CHRM3: variants seen among roughly 807,000 people sequenced by gnomAD.
CHRM3 encodes muscarinic acetylcholine receptor M3.
A neutral mutation model predicts 41.8 loss-of-function variants in CHRM3; 11 were observed. That is an observed-to-expected ratio of 0.26 (90% CI 0.17 to 0.44). The LOEUF (loss-of-function observed/expected upper bound fraction) is 0.44, where lower values mean the gene tolerates loss of function less well. Among genes scored for constraint, CHRM3 ranks in the 20% least tolerant of loss-of-function variants. The pLI is 1.00. For synonymous variants in CHRM3, 297 were observed against 301.4 expected (o/e 0.99, Z 0.15); for missense variants, 571 against 745.4 (o/e 0.77, Z 2.72).
chr1:239,411,451 G>A lies in CHRM3; in HGVS notation c.-521+24224G>A, dbSNP rs189942030. On this transcript the variant is annotated intron_variant, in intron 1 of 6. Transcript: ENST00000676153. ...AAATAAGAAATAAGTTGTGGACCGG[G>A]CGTGGTGGCTCATGCCTGTAATCCC... Among the ~76,000 whole-genome samples, 1,012 of 152,224 alleles carry A rather than the reference G, an allele frequency of 6.6e-3. 12 individuals carry two copies. Among genetic ancestry groups the A allele is most frequent in the African/African-American group, 0.023 (944 of 41,552 alleles).
chr1:239,902,451 T>C (rs1020814469), intron 6 of CHRM3, among the ~76,000 whole-genome samples: 2 of 152,158 alleles, frequency 1.3e-5, no homozygotes, highest in Non-Finnish European at 2.9e-5. Flanking sequence ...CTCTGCTCTA[T>C]TGCTTTCTAA....
intron 3 of CHRM3, among the ~76,000 whole-genome samples, chr1:239,586,443 T>G (rs769629818): frequency 6.6e-5 from 10 of 152,134 alleles, no homozygotes; most frequent in Admixed American, 2.0e-4. Context: ...ATGTCAGGGC[T>G]TTGAATACTC....
At chr1:239,577,132 C>A (rs982386403) in intron 3 of CHRM3, among the ~76,000 whole-genome samples, 1 of 152,152 alleles carries the variant, frequency 6.6e-6, no homozygotes, top group African/African-American at 2.4e-5. Context: ...CCAGAAGCTT[C>A]TAATAGATTT....
At chr1:239,551,481 A>G (rs1380700111) in intron 3 of CHRM3, among the ~76,000 whole-genome samples, 1 of 150,632 alleles carries the variant, frequency 6.6e-6, no homozygotes, top group African/African-American at 2.4e-5. Context: ...ATTATTGTAG[A>G]TTTAAGCTAT....
chr1:239,675,838 T>C (rs1421144816), intron 4 of CHRM3, among the ~76,000 whole-genome samples: 1 of 152,116 alleles, frequency 6.6e-6, no homozygotes, highest in Non-Finnish European at 1.5e-5. Flanking sequence ...GCAGTTCCAC[T>C]TTAGGAGTTT....
chr1:239,779,412 G>T (rs1558115288), intron 5 of CHRM3, among the ~76,000 whole-genome samples: 1 of 152,208 alleles, frequency 6.6e-6, no homozygotes, highest in Non-Finnish European at 1.5e-5. Flanking sequence ...ACAGAATCAT[G>T]TATCCACCAT....
chr1:239,650,896 C>T (rs559764879), intron 4 of CHRM3, among the ~76,000 whole-genome samples: 1 of 152,212 alleles, frequency 6.6e-6, no homozygotes, highest in South Asian at 2.1e-4. Flanking sequence ...TAGTATCACA[C>T]ATTAATATAT....
intron 3 of CHRM3, among the ~76,000 whole-genome samples, chr1:239,548,572 T>TC (rs1207281238): frequency 6.6e-6 from 1 of 152,222 alleles, no homozygotes. Flanking sequence ...TATAGATTTT[T>TC]CCCCTGATGA....
intron 3 of CHRM3, among the ~76,000 whole-genome samples, chr1:239,592,624 C>G (rs1664310266): frequency 6.6e-6 from 1 of 152,098 alleles, no homozygotes; most frequent in African/African-American, 2.4e-5. Flanking sequence ...TAGCATATAT[C>G]AGTACTTCAT....
chr1:239,551,524 CA>C (rs61544683), intron 3 of CHRM3, among the ~76,000 whole-genome samples: 61,025 of 140,482 alleles, frequency 0.43, 14,435 homozygotes, highest in East Asian at 0.69. Context: ...ATAACTGAAC[CA>C]AAAAAAAAAA....
intron 4 of CHRM3, among the ~76,000 whole-genome samples, chr1:239,645,763 C>A (rs1475635602): frequency 2.0e-5 from 3 of 151,450 alleles, no homozygotes; most frequent in Admixed American, 6.6e-5. Flanking sequence ...AAAAATGTAA[C>A]AAAAGAACGG....
intron 5 of CHRM3, among the ~76,000 whole-genome samples, chr1:239,717,228 G>A (rs1238183527): frequency 6.6e-6 from 1 of 152,094 alleles, no homozygotes; most frequent in Admixed American, 6.6e-5. Flanking sequence ...CCCTTGCAGA[G>A]GAAGTAGCCT....
intron 5 of CHRM3, among the ~76,000 whole-genome samples, chr1:239,760,946 C>T (rs1666711845): frequency 6.6e-6 from 1 of 151,290 alleles, no homozygotes; most frequent in Non-Finnish European, 1.5e-5. Context: ...GTTTGTTTGT[C>T]TTCAGATATC....
At chr1:239,723,805 A>C (rs2148359691) in intron 5 of CHRM3, among the ~76,000 whole-genome samples, 1 of 151,914 alleles carries the variant, frequency 6.6e-6, no homozygotes, top group African/African-American at 2.4e-5. Flanking sequence ...CTCACCATTT[A>C]GCCTCTTGGG....
At position 239,822,762 on chromosome 1, in the gene CHRM3, A is replaced by G. The variant is rs569004329; in HGVS notation, c.-146-4490A>G. The stretch of plus-strand genomic sequence containing the variant: ...AATTTGTGTTATGGACACTAACATC[A>G]TTGCTGAATAATGAGACATGGAAAG... On this transcript the variant is annotated intron_variant, in intron 5 of 6. Transcript: ENST00000676153. 8.5e-5 allele frequency among the ~76,000 whole-genome samples: 13 copies of G among 152,338 alleles called. No homozygotes were observed. The South Asian group carries it at 2.7e-3, about 32-fold the overall frequency.
intron 5 of CHRM3, among the ~76,000 whole-genome samples, chr1:239,807,138 A>G (rs1458861592): frequency 6.6e-6 from 1 of 152,244 alleles, no homozygotes; most frequent in African/African-American, 2.4e-5. Context: ...TGTGAACACA[A>G]TAAGAACATA....
In CHRM3 at chr1:239,782,707, T is replaced by C. The variant is rs186664597; in HGVS notation, c.-146-44545T>C. On this transcript the variant is annotated intron_variant, in intron 5 of 6. Coordinates refer to ENST00000676153, the MANE Select transcript of CHRM3 (RefSeq NM_001375978.1). ...ACTTTTCTAAGGTGGAAACTTAGAT[T>C]ATGGATTTTAAGATCTTTCTTTCCT... Among the ~76,000 whole-genome samples the C allele has an allele frequency of 4.3e-4, 66 of 152,122 alleles. 1 individual carries two copies. The highest frequency in any genetic ancestry group is 1.5e-3 in the African/African-American group (61 of 41,456).
intron 6 of CHRM3, among the ~76,000 whole-genome samples, chr1:239,850,273 T>A (rs1180988423): frequency 1.3e-5 from 2 of 152,166 alleles, no homozygotes; most frequent in African/African-American, 4.8e-5. Flanking sequence ...TTACTATTTA[T>A]TAAGTGGAAG....
intron 5 of CHRM3, among the ~76,000 whole-genome samples, chr1:239,778,515 C>G (rs1292538505): frequency 6.6e-6 from 1 of 152,144 alleles, no homozygotes; most frequent in Non-Finnish European, 1.5e-5. Context: ...AGCCACCTCC[C>G]CAACATTTAT....
Sources: allele counts gnomAD v4.1 joint callset (sites outside exome capture counted in the v4.1 genomes callset), GRCh38; gene constraint gnomAD v4.1.1; transcripts MANE v1.5; gene names NCBI Gene and HGNC (gene_info 2026-07-23, HGNC 2026-07-21).